Variants in ENTREP2 observed in about 807,000 individuals in gnomAD.
ENTREP2 encodes the protein endosomal transmembrane epsin interactor 2.
chr15:29,233,720 A>G, the ENTREP2 span: 1 of 1,355,174 alleles, frequency 7.4e-7, no homozygotes, highest in Non-Finnish European at 1.1e-6. Context: ...ATCAAGTTAC[A>G]TGGATCTGAG....
chr15:29,224,116 TCA>T, the ENTREP2 span, among the ~76,000 whole-genome samples: 522 of 152,252 alleles, frequency 3.4e-3, 1 homozygote, highest in African/African-American at 0.012. Flanking sequence ...TCGGATGCGT[TCA>T]CAGTTTCTTC....
At chr15:29,320,892 T>C in the ENTREP2 span, among the ~76,000 whole-genome samples, 2 of 151,916 alleles carry the variant, frequency 1.3e-5, no homozygotes, top group Non-Finnish European at 2.9e-5. Flanking sequence ...TCAAGAACAG[T>C]TGTATAATTT....
At chr15:29,371,942 A>AGATG in the ENTREP2 span, among the ~76,000 whole-genome samples, 87 of 152,222 alleles carry the variant, frequency 5.7e-4, no homozygotes, top group Middle Eastern at 6.8e-3. Flanking sequence ...ATAGATAGAT[A>AGATG]GATAGATAAA....
chr15:29,504,006 T>C, the ENTREP2 span, among the ~76,000 whole-genome samples: 1 of 152,170 alleles, frequency 6.6e-6, no homozygotes, highest in Non-Finnish European at 1.5e-5. Flanking sequence ...ACCATCACAG[T>C]AGCTAAAATT....
the ENTREP2 span, among the ~76,000 whole-genome samples, chr15:29,429,709 G>T: frequency 6.6e-6 from 1 of 152,160 alleles, no homozygotes; most frequent in South Asian, 2.1e-4. Flanking sequence ...TGAAATCTAC[G>T]GACAGCCATG....
At chr15:29,546,545 G>A in the ENTREP2 span, among the ~76,000 whole-genome samples, 6 of 152,112 alleles carry the variant, frequency 3.9e-5, no homozygotes, top group African/African-American at 7.2e-5. Context: ...TGAAAATAAC[G>A]AGAATGTGTG....
chr15:29,642,204 T>C, the ENTREP2 span, among the ~76,000 whole-genome samples: 1 of 151,996 alleles, frequency 6.6e-6, no homozygotes, highest in Admixed American at 6.6e-5. Context: ...GAAGAACAAA[T>C]CTGTAGCACT....
chr15:29,649,805 T>TTCTGTCAATTTCAGTGGTCTC, the ENTREP2 span, among the ~76,000 whole-genome samples: 1 of 151,726 alleles, frequency 6.6e-6, no homozygotes, highest in African/African-American at 2.4e-5. Context: ...AATCAGGTTG[T>TTCTGTCAATTTCAGTGGTCTC]TCTGTCAATT....
the ENTREP2 span, chr15:29,124,585 G>T: frequency 1.9e-3 from 1,861 of 961,010 alleles, 44 homozygotes; most frequent in East Asian, 0.043. Flanking sequence ...CGGGGGTGGG[G>T]TGAGGAGCTG....
chr15:29,233,555 C>T, the ENTREP2 span: 1 of 587,558 alleles, frequency 1.7e-6, no homozygotes, highest in Non-Finnish European at 3.0e-6. Flanking sequence ...GTATACAATA[C>T]CACCTACTGT....
chr15:29,623,314 G>A, the ENTREP2 span, among the ~76,000 whole-genome samples: 3 of 152,158 alleles, frequency 2.0e-5, no homozygotes, highest in Non-Finnish European at 4.4e-5. Flanking sequence ...CAAGGCCATG[G>A]TGCCCAAGCT....
At chr15:29,274,486 A>G in the ENTREP2 span, among the ~76,000 whole-genome samples, 3 of 152,162 alleles carry the variant, frequency 2.0e-5, no homozygotes, top group African/African-American at 7.2e-5. Context: ...CTAACATTAG[A>G]AACCTGTACG....
chr15:29,490,153 G>A, the ENTREP2 span, among the ~76,000 whole-genome samples: 9 of 152,120 alleles, frequency 5.9e-5, no homozygotes, highest in East Asian at 3.9e-4. Flanking sequence ...GTGGACCCCC[G>A]GTGAATTTTA....
At chr15:29,397,839 A>C in the ENTREP2 span, among the ~76,000 whole-genome samples, 1 of 152,214 alleles carries the variant, frequency 6.6e-6, no homozygotes, top group African/African-American at 2.4e-5. Flanking sequence ...TGTCTTTATA[A>C]AGGTCAGTGT....
chr15:29,592,674 G>A, the ENTREP2 span, among the ~76,000 whole-genome samples: 2 of 152,162 alleles, frequency 1.3e-5, no homozygotes, highest in Non-Finnish European at 2.9e-5. Flanking sequence ...ACCTCACATT[G>A]AAATTTGATC....
the ENTREP2 span, among the ~76,000 whole-genome samples, chr15:29,224,249 C>G: frequency 6.6e-6 from 1 of 152,244 alleles, no homozygotes; most frequent in South Asian, 2.1e-4. Context: ...GGTTCGTGGT[C>G]TCACTGGCTT....
At chr15:29,185,124 A>G in the ENTREP2 span, among the ~76,000 whole-genome samples, 1 of 152,274 alleles carries the variant, frequency 6.6e-6, no homozygotes, top group Admixed American at 6.5e-5. Context: ...TACAGAAAAT[A>G]TGAGAATAAT....
At chr15:29,472,428 A>AACACACACACACAC in the ENTREP2 span, among the ~76,000 whole-genome samples, 259 of 140,700 alleles carry the variant, frequency 1.8e-3, no homozygotes, top group South Asian at 6.1e-3. Context: ...CACAACACAC[A>AACACACACACACAC]ACACACACAC....
the ENTREP2 span, among the ~76,000 whole-genome samples, chr15:29,583,430 C>A: frequency 6.6e-6 from 1 of 152,040 alleles, no homozygotes; most frequent in African/African-American, 2.4e-5. Context: ...CGAGTGGGAG[C>A]TGAACAATGA....
Sources: allele counts gnomAD v4.1 joint callset (sites outside exome capture counted in the v4.1 genomes callset), GRCh38; gene constraint gnomAD v4.1.1; transcripts MANE v1.5; gene names NCBI Gene and HGNC (gene_info 2026-07-23, HGNC 2026-07-21).